CEP128: variants seen among roughly 807,000 people sequenced by gnomAD.
The protein encoded by CEP128 is centrosomal protein 128kDa.
Under a neutral mutation model 156.7 loss-of-function variants are expected in CEP128, and 132 were observed. The observed-to-expected ratio is 0.84, with a 90% CI of 0.73 to 0.97. The LOEUF (loss-of-function observed/expected upper bound fraction) is 0.97. Among genes scored for constraint, CEP128 ranks in the 50% least tolerant of loss-of-function variants. The pLI, the probability that CEP128 is intolerant of heterozygous loss-of-function variation, is 0.00. For synonymous variants in CEP128, 469 were observed against 448.9 expected (o/e 1.04, Z -0.57); for missense variants, 1,252 against 1,281.9 (o/e 0.98, Z 0.36).
intron 19 of CEP128, among the ~76,000 whole-genome samples, chr14:80,644,961 T>C (rs1285307241): frequency 6.6e-6 from 1 of 152,098 alleles, no homozygotes; most frequent in African/African-American, 2.4e-5. Flanking sequence ...TCTCATTCAA[T>C]AAAAATGAGA....
At chr14:80,517,784 G>A (rs1050649533) in intron 23 of CEP128, among the ~76,000 whole-genome samples, 1 of 152,118 alleles carries the variant, frequency 6.6e-6, no homozygotes, top group East Asian at 1.9e-4. Flanking sequence ...TGTGGGTCAT[G>A]GAAGAGAACC....
intron 21 of CEP128, among the ~76,000 whole-genome samples, chr14:80,555,829 C>T (rs573645414): frequency 1.3e-5 from 2 of 152,268 alleles, no homozygotes; most frequent in Middle Eastern, 3.4e-3. Flanking sequence ...TGCCTCAATT[C>T]TCTTTACAAT....
At chr14:80,774,678 A>C (rs898361346) in intron 16 of CEP128, among the ~76,000 whole-genome samples, 4 of 151,570 alleles carry the variant, frequency 2.6e-5, no homozygotes, top group African/African-American at 9.7e-5. Context: ...TTTGTCCATA[A>C]TTTACTTATA....
chr14:80,652,159 G>A (rs1894934702), intron 19 of CEP128, among the ~76,000 whole-genome samples: 1 of 147,660 alleles, frequency 6.8e-6, no homozygotes, highest in Non-Finnish European at 1.5e-5. Context: ...ACTGAAACTG[G>A]ACCCCTTCCT....
At chr14:80,836,737 G>C (rs138615136) in intron 11 of CEP128, among the ~76,000 whole-genome samples, 11 of 152,232 alleles carry the variant, frequency 7.2e-5, no homozygotes, top group African/African-American at 1.9e-4. Context: ...AGCATATTTT[G>C]ATACTAAAAT....
intron 19 of CEP128, among the ~76,000 whole-genome samples, chr14:80,694,000 G>A (rs1041907094): frequency 2.0e-5 from 3 of 152,062 alleles, no homozygotes; most frequent in South Asian, 2.1e-4. Flanking sequence ...CATGTTTTCC[G>A]TCAAAAGTGT....
chr14:80,915,725 T>C (rs1884509523), intron 3 of CEP128, among the ~76,000 whole-genome samples: 1 of 152,220 alleles, frequency 6.6e-6, no homozygotes, highest in Non-Finnish European at 1.5e-5. Flanking sequence ...CACATGCCCA[T>C]GAGAAGCTAA....
At chr14:80,615,003 T>C (rs1209766410) in intron 19 of CEP128, among the ~76,000 whole-genome samples, 5 of 152,206 alleles carry the variant, frequency 3.3e-5, no homozygotes. Flanking sequence ...TACATCTTAT[T>C]TGACTTTGTA....
chr14:80,498,129 A>G (rs946282891), intron 24 of CEP128, among the ~76,000 whole-genome samples: 2 of 152,110 alleles, frequency 1.3e-5, no homozygotes, highest in Non-Finnish European at 2.9e-5. Flanking sequence ...AACTTGAAAA[A>G]TGATATACCC....
At chr14:80,555,700 T>C (rs777413489) in intron 21 of CEP128, among the ~76,000 whole-genome samples, 1 of 152,072 alleles carries the variant, frequency 6.6e-6, no homozygotes, top group Non-Finnish European at 1.5e-5. Flanking sequence ...CTTCTGGGGC[T>C]CTTTCTATCT....
chr14:80,920,896 C>G (rs1884824910), intron 2 of CEP128, among the ~76,000 whole-genome samples: 1 of 152,106 alleles, frequency 6.6e-6, no homozygotes. Flanking sequence ...GAGCTTATAC[C>G]TTTGCCCTGG....
intron 19 of CEP128, among the ~76,000 whole-genome samples, chr14:80,671,630 C>A (rs1481198992): frequency 1.3e-5 from 2 of 152,100 alleles, no homozygotes; most frequent in Non-Finnish European, 2.9e-5. Context: ...CAGAAATAAA[C>A]AGGCAATCTA....
chr14:80,654,913 A>C (rs1895065115), intron 19 of CEP128, among the ~76,000 whole-genome samples: 1 of 152,128 alleles, frequency 6.6e-6, no homozygotes, highest in South Asian at 2.1e-4. Flanking sequence ...CCACTGTTCT[A>C]ATTGTTCTGA....
chr14:80,684,698 C>CAA (rs536368254), intron 19 of CEP128, among the ~76,000 whole-genome samples: 4 of 106,278 alleles, frequency 3.8e-5, no homozygotes, highest in Admixed American at 9.5e-5. Flanking sequence ...CAAAAATCCT[C>CAA]AAAAAAAAAA....
At chr14:80,587,677 A>T (rs1212998733) in intron 19 of CEP128, among the ~76,000 whole-genome samples, 3 of 152,138 alleles carry the variant, frequency 2.0e-5, no homozygotes, top group African/African-American at 7.2e-5. Context: ...TGTCATTTCT[A>T]TTGGTAACAT....
chr14:80,661,232 TTCC>T (rs1164933111), intron 19 of CEP128, among the ~76,000 whole-genome samples: 1 of 152,162 alleles, frequency 6.6e-6, no homozygotes, highest in East Asian at 1.9e-4. Context: ...GCATCCATCT[TTCC>T]TCCTCTTCTG....
At chr14:80,535,243 G>A (rs972654348) in intron 21 of CEP128, among the ~76,000 whole-genome samples, 6 of 152,206 alleles carry the variant, frequency 3.9e-5, no homozygotes, top group Non-Finnish European at 5.9e-5. Context: ...ATTGAGGACC[G>A]GAGAGTGTAA....
intron 16 of CEP128, among the ~76,000 whole-genome samples, chr14:80,764,095 G>A (rs1023203123): frequency 1.2e-4 from 18 of 152,080 alleles, no homozygotes; most frequent in African/African-American, 4.3e-4. Flanking sequence ...TCCATTACTT[G>A]TCTCTTATTA....
At position 80,747,679 on chromosome 14, in the gene CEP128, C is replaced by T. The variant is rs775477805; in HGVS notation, c.2614-4412G>A. Among the ~76,000 whole-genome samples the T allele has an allele frequency of 2.0e-5, 3 of 152,260 alleles. No individual in the cohort carries two copies. In the East Asian group the frequency reaches 5.8e-4, roughly 29 times the overall value. On this transcript the variant is annotated intron_variant, in intron 18 of 24. Transcript: ENST00000555265. ...AAAATTGGCCAGGCATGGTGGAACA[C>T]GCCTATAATTCCAGCTACTCAGGAG...
Sources: gnomAD v4.1 joint callset for allele counts (sites outside exome capture counted in the v4.1 genomes callset) on GRCh38, gnomAD v4.1.1 for gene constraint, MANE v1.5 for transcripts, NCBI Gene and HGNC (gene_info 2026-07-23, HGNC 2026-07-21) for gene names.